SEMA5A: variants seen among roughly 807,000 people sequenced by gnomAD.
SEMA5A encodes semaphorin 5A, also known as semaphorin-5A.
A neutral mutation model predicts 135.5 loss-of-function variants in SEMA5A; 55 were observed. That is an observed-to-expected ratio of 0.41 (90% CI 0.33 to 0.51). SEMA5A has a LOEUF of 0.51. Among genes scored for constraint, SEMA5A ranks in the 20% least tolerant of loss-of-function variants. SEMA5A has a pLI of 0.37. For missense variants in SEMA5A, 1,290 were observed against 1,419.9 expected, an observed-to-expected ratio of 0.91 and a Z score of 1.47; for synonymous variants, 580 against 546.5, an observed-to-expected ratio of 1.06 and a Z score of -0.85.
intron 5 of SEMA5A, among the ~76,000 whole-genome samples, chr5:9,296,873 GT>G (rs1305450118): frequency 1.6e-4 from 23 of 142,966 alleles, no homozygotes; most frequent in Non-Finnish European, 3.3e-4. Context: ...TTTCCTACAG[GT>G]GAGACATTAT....
At chr5:9,518,843 A>T (rs190638886) in intron 1 of SEMA5A, among the ~76,000 whole-genome samples, 5 of 152,260 alleles carry the variant, frequency 3.3e-5, no homozygotes, top group African/African-American at 1.2e-4. Context: ...AAAAATATGA[A>T]TCTCAGTGAT....
Position 9,380,137 on chromosome 5 carries a change from G to C in SEMA5A, c.-77-114C>G, listed in dbSNP as rs1755535135. On this transcript the variant is annotated intron_variant, in intron 2 of 22. Coordinates refer to ENST00000382496, the MANE Select transcript of SEMA5A (RefSeq NM_003966.3). ...GGTTACACTTTGTGGAGATAGAGGA[G>C]AGCTTGGAGGGCTTAGAGCAGCATA... 5 of 670,826 alleles carry C rather than the reference G, an allele frequency of 7.5e-6. No individual in the cohort carries two copies. In the South Asian group the frequency reaches 1.1e-4, roughly 14 times the overall value. The allele number at this position is 670,826 out of a possible 1,614,324, so 41.6% of individuals were successfully genotyped here. A position where few individuals can be genotyped will look rare whatever the true frequency, so the allele number is the denominator to read the frequency against.
intron 3 of SEMA5A, among the ~76,000 whole-genome samples, chr5:9,375,096 T>A (rs1262762577): frequency 6.6e-6 from 1 of 152,206 alleles, no homozygotes; most frequent in Non-Finnish European, 1.5e-5. Flanking sequence ...TCTCCTTTTA[T>A]ATCTATCATC....
intron 2 of SEMA5A, among the ~76,000 whole-genome samples, chr5:9,417,834 G>A (rs929186798): frequency 2.6e-5 from 4 of 152,148 alleles, no homozygotes; most frequent in African/African-American, 7.2e-5. Flanking sequence ...ATTTCCCTCT[G>A]TTTAGAAGGC....
chr5:9,393,463 C>T (rs1404642826), intron 2 of SEMA5A, among the ~76,000 whole-genome samples: 1 of 152,212 alleles, frequency 6.6e-6, no homozygotes, highest in African/African-American at 2.4e-5. Context: ...ACTAGGAGCA[C>T]AGACTCTGGA....
At chr5:9,421,504 T>C (rs1757467153) in intron 2 of SEMA5A, among the ~76,000 whole-genome samples, 1 of 152,210 alleles carries the variant, frequency 6.6e-6, no homozygotes, top group Non-Finnish European at 1.5e-5. Context: ...TGCCCTCATA[T>C]ATTATATACG....
At chr5:9,481,094 T>C (rs1759860012) in intron 1 of SEMA5A, among the ~76,000 whole-genome samples, 2 of 152,006 alleles carry the variant, frequency 1.3e-5, no homozygotes, top group Non-Finnish European at 2.9e-5. Context: ...TACAGGTGCA[T>C]AACTACCACG....
intron 16 of SEMA5A, among the ~76,000 whole-genome samples, chr5:9,100,067 G>T (rs946378800): frequency 6.6e-6 from 1 of 152,212 alleles, no homozygotes; most frequent in African/African-American, 2.4e-5. Flanking sequence ...AATATGCCTG[G>T]CAGAAAGTGG....
chr5:9,321,903 T>C (rs1752643046), intron 4 of SEMA5A, among the ~76,000 whole-genome samples: 2 of 152,200 alleles, frequency 1.3e-5, no homozygotes, highest in Admixed American at 6.5e-5. Context: ...TCCAGAAACT[T>C]TCTTGAAAAG....
At chr5:9,075,419 C>A (rs1487838583) in intron 16 of SEMA5A, among the ~76,000 whole-genome samples, 1 of 152,064 alleles carries the variant, frequency 6.6e-6, no homozygotes. Flanking sequence ...AAACTGGAGA[C>A]AACTCATATG....
At chr5:9,206,979 G>A (rs1196999513) in intron 8 of SEMA5A, among the ~76,000 whole-genome samples, 3 of 147,766 alleles carry the variant, frequency 2.0e-5, no homozygotes, top group Non-Finnish European at 3.0e-5. Flanking sequence ...GCCTGACTTT[G>A]GCAAGTGTCG....
intron 1 of SEMA5A, among the ~76,000 whole-genome samples, chr5:9,530,733 T>C (rs1431332490): frequency 2.6e-5 from 4 of 152,110 alleles, no homozygotes; most frequent in Non-Finnish European, 5.9e-5. Context: ...TAGTGGGCAG[T>C]AGAAGCGAGG....
intron 9 of SEMA5A, among the ~76,000 whole-genome samples, chr5:9,199,675 C>G (rs1806114): frequency 6.6e-6 from 1 of 152,164 alleles, no homozygotes; most frequent in African/African-American, 2.4e-5. Flanking sequence ...TACCCCCCAC[C>G]GCAACTTTAC....
At chr5:9,457,711 A>C (rs1758892413) in intron 1 of SEMA5A, among the ~76,000 whole-genome samples, 1 of 152,148 alleles carries the variant, frequency 6.6e-6, no homozygotes, top group African/African-American at 2.4e-5. Flanking sequence ...GTATTTTACA[A>C]CTGTAAGGAT....
chr5:9,201,871 T>C, intron 9 of SEMA5A, 84 bp downstream of exon 9: 2 of 1,359,598 alleles, frequency 1.5e-6, no homozygotes, highest in East Asian at 2.3e-5. Context: ...CTAAAGTAAA[T>C]TTAAAACCTC....
intron 1 of SEMA5A, among the ~76,000 whole-genome samples, chr5:9,439,589 A>T (rs1758159194): frequency 6.6e-6 from 1 of 152,212 alleles, no homozygotes; most frequent in African/African-American, 2.4e-5. Context: ...GTGAACCCTC[A>T]GCTGGACAGC....
intron 2 of SEMA5A, among the ~76,000 whole-genome samples, chr5:9,392,409 T>C (rs368564582): frequency 6.6e-6 from 1 of 152,116 alleles, no homozygotes; most frequent in Non-Finnish European, 1.5e-5. Context: ...AGTAAATACA[T>C]AAATAAATAA....
chr5:9,108,952 T>C (rs931956523), intron 15 of SEMA5A, among the ~76,000 whole-genome samples: 1 of 151,838 alleles, frequency 6.6e-6, no homozygotes, highest in African/African-American at 2.4e-5. Context: ...TCTATACTTC[T>C]ACATATTTTT....
chr5:9,341,657 A>AAT (rs1255456970), intron 3 of SEMA5A, among the ~76,000 whole-genome samples: 2 of 77,106 alleles, frequency 2.6e-5, no homozygotes, highest in African/African-American at 3.4e-5. Flanking sequence ...ATATATATAT[A>AAT]ATATATATAA....
Sources: gnomAD v4.1 joint callset for allele counts (sites outside exome capture counted in the v4.1 genomes callset) on GRCh38, gnomAD v4.1.1 for gene constraint, MANE v1.5 for transcripts, NCBI Gene and HGNC (gene_info 2026-07-23, HGNC 2026-07-21) for gene names.